Variants in ERCC2 observed in about 807,000 individuals in gnomAD.
ERCC2 encodes ERCC excision repair 2, TFIIH core complex helicase subunit, also known as general transcription and DNA repair factor IIH helicase subunit XPD.
Under a neutral mutation model 99.4 loss-of-function variants are expected in ERCC2, and 90 were observed. The ratio of observed to expected loss-of-function variants is 0.91; its 90% CI spans 0.76 to 1.08. The LOEUF is 1.08. ERCC2 is among the 50% of genes least tolerant of loss of function. The probability of loss-of-function intolerance (pLI) is 0.00; values close to 1 mark genes in which losing one functional copy is unlikely to be tolerated. For synonymous variants in ERCC2, 497 were observed against 432.4 expected (o/e 1.15, Z -1.85); for missense variants, 993 against 1,038.1 (o/e 0.96, Z 0.60).
At position 45,370,252 on chromosome 19, in the gene ERCC2, G is replaced by C. The variant is rs373767108; in HGVS notation, c.6-20C>G. On this transcript the variant is annotated intron_variant, in intron 1 of 22. Coordinates refer to ENST00000391945, the MANE Select transcript of ERCC2 (RefSeq NM_000400.4). ...TTGAGCCTGGCGGCAGGGGCTGCTG[G>C]GTCAGTTCCCGTCCCCTCAGCCCCT... The C allele has an allele frequency of 6.2e-7, 1 of 1,612,280 alleles. No individual in the cohort carries two copies. The highest frequency in any genetic ancestry group is 8.5e-7 in the Non-Finnish European group (1 of 1,179,130).
chr19:45,370,421 C>T, intron 1 of ERCC2, 115 bp downstream of exon 1: 2 of 808,002 alleles, frequency 2.5e-6, no homozygotes, highest in South Asian at 1.5e-5. Flanking sequence ...CTGCCCCCGT[C>T]CCACCCCTTC....
At position 45,363,977 on chromosome 19, in the gene ERCC2, G is replaced by A. The variant is rs529824119; in HGVS notation, c.949+9C>T. 9.4e-5 allele frequency: 144 copies of A among 1,538,904 alleles called. No individual in the cohort carries two copies. Among genetic ancestry groups the A allele is most frequent in the South Asian group, 5.6e-4 (47 of 84,270 alleles). On this transcript the variant is annotated intron_variant, in intron 10 of 22. Transcript: ENST00000391945. ...AGGGACTGGGGGGCAGCGGGGGGTC[G>A]GGGCTCACCCTGCAGCACTTCGTCG... is the stretch of plus-strand genomic sequence containing the variant.
intron 12 of ERCC2, chr19:45,358,274 G>A (rs1482486449): frequency 2.2e-5 from 4 of 183,664 alleles, no homozygotes; most frequent in Non-Finnish European, 4.6e-5. Context: ...CCCGCCTCAG[G>A]CTCCCAAAGT....
At chr19:45,358,391 C>T (rs540355865) in intron 12 of ERCC2, 32 of 194,254 alleles carry the variant, frequency 1.6e-4, no homozygotes, top group Admixed American at 1.6e-3. Context: ...CTGCAATTCG[C>T]CCACTGCCCC....
rs112890280 is a variant in ERCC2 at position 45,355,222 on chromosome 19, C to T, written c.1544-371G>A. Among the ~76,000 whole-genome samples the T allele has an allele frequency of 5.3e-3, 812 of 152,248 alleles. 6 individuals carry two copies. The highest frequency in any genetic ancestry group is 0.018 in the African/African-American group (745 of 41,536). Reference sequence around the variant, plus strand: ...AAATACAAAAATTAGCCCAGCGTGGCGGCAGAGGCCTGTAATCCCAGCTAC... The same window carrying T: ...AAATACAAAAATTAGCCCAGCGTGGTGGCAGAGGCCTGTAATCCCAGCTAC... On this transcript the variant is annotated intron_variant, in intron 16 of 22. Coordinates refer to ENST00000391945, the MANE Select transcript of ERCC2 (RefSeq NM_000400.4).
intron 16 of ERCC2, 96 bp downstream of exon 16, chr19:45,355,569 G>A: frequency 1.8e-6 from 2 of 1,130,724 alleles, no homozygotes; most frequent in Admixed American, 1.7e-5. Flanking sequence ...AGCAACTAAG[G>A]CCAGGGATAT....
At chr19:45,353,748 G>A (rs935423493) in intron 17 of ERCC2, among the ~76,000 whole-genome samples, 24 of 152,198 alleles carry the variant, frequency 1.6e-4, no homozygotes, top group African/African-American at 5.5e-4. Context: ...ACAGCCACCT[G>A]TGCAGTTCAG....
Position 45,350,601 on chromosome 19 carries a change from G to A in ERCC2, c.*1028C>T. 3 of 1,613,600 alleles carry A rather than the reference G, an allele frequency of 1.9e-6. No homozygotes were observed. The highest frequency in any genetic ancestry group is 2.5e-6 in the Non-Finnish European group (3 of 1,179,678). ...CCTGGGGTGGGCGTGGGGACTGCAT[G>A]GGCCTGGGGGACTGAGCAGCATCCC... On this transcript the variant is annotated 3_prime_UTR_variant, in exon 23 of 23. Transcript: ENST00000391945.
At position 45,353,077 on chromosome 19, in the gene ERCC2, A is replaced by C. The variant is rs554242651; in HGVS notation, c.1831+6T>G. The stretch of plus-strand genomic sequence containing the variant: ...CACCTGGGGAGGAAGAGCCCAGTCC[A>C]CTCACCAAAGTCGATTCCCTCGGAC... On this transcript the variant is annotated splice_donor_region_variant and intron_variant, in intron 19 of 22. Transcript: ENST00000391945. The C allele has an allele frequency of 8.3e-5, 134 of 1,611,872 alleles. 2 individuals are homozygous for C. The South Asian group carries it at 1.4e-3, about 17-fold the overall frequency.
intron 12 of ERCC2, chr19:45,358,693 C>G (rs1972100626): frequency 3.6e-5 from 24 of 664,332 alleles, no homozygotes; most frequent in South Asian, 3.6e-4. Flanking sequence ...GCTCAAAAGT[C>G]AGCCCCTCCG....
At chr19:45,358,082 G>A in intron 12 of ERCC2, 1 of 354,050 alleles carries the variant, frequency 2.8e-6, no homozygotes, top group Non-Finnish European at 5.5e-6. Context: ...GCCTCGCGCT[G>A]TCGCCCAGGC....
rs1171147981 is a variant in ERCC2 at position 45,357,143 on chromosome 19, T to G, written c.1479+127A>C. ...AAGCAGAATCAAGCCTAAGTCTGTC[T>G]GAATCCCGAACCCAGCCTCTTCGCT... On this transcript the variant is annotated intron_variant, in intron 15 of 22. Transcript: ENST00000391945. 4.4e-6 allele frequency: 3 copies of G among 680,372 alleles called. No homozygotes were observed. In the African/African-American group the frequency reaches 5.4e-5, roughly 12 times the overall value. 42.1% of individuals were successfully genotyped at this position (680,372 alleles called of 1,614,324 possible). A position where few individuals can be genotyped will look rare whatever the true frequency, so the allele number is the denominator to read the frequency against.
Position 45,354,615 on chromosome 19 carries a change from TCCTGTCACACAGGAAA to T in ERCC2, c.1665+99_1665+114del, listed in dbSNP as rs1971948728. ...CCATTCCTACATGCTGCACACACTCTCCTGTCACACAGGAAACCTGTCACCATCAGAGTGTGAGAGG... is the reference window on the plus strand; with the variant it reads ...CCATTCCTACATGCTGCACACACTCTCCTGTCACCATCAGAGTGTGAGAGG... On this transcript the variant is annotated intron_variant, in intron 17 of 22. Coordinates refer to ENST00000391945, the MANE Select transcript of ERCC2 (RefSeq NM_000400.4). The T allele has an allele frequency of 5.7e-6, 8 of 1,392,836 alleles. No individual in the cohort carries two copies. In the East Asian group the frequency reaches 1.2e-4, roughly 20 times the overall value. 86.3% of individuals were successfully genotyped at this position (1,392,836 alleles called of 1,614,324 possible). A position where few individuals can be genotyped will look rare whatever the true frequency, so the allele number is the denominator to read the frequency against.
At chr19:45,355,185 C>T (rs1971971432) in intron 16 of ERCC2, among the ~76,000 whole-genome samples, 2 of 152,198 alleles carry the variant, frequency 1.3e-5, no homozygotes, top group Non-Finnish European at 2.9e-5. Flanking sequence ...GGCGAAACCC[C>T]ATCTCTACTA....
At chr19:45,370,294 GC>G in intron 1 of ERCC2, 62 bp from the exon 2 acceptor site, 5 of 1,589,852 alleles carry the variant, frequency 3.1e-6, no homozygotes, top group Non-Finnish European at 4.3e-6. Flanking sequence ...CCTCCACAGT[GC>G]CCGGTCGTCG....
chr19:45,352,496 G>A lies in ERCC2; in HGVS notation c.2046+10C>T, dbSNP rs377737770. ...GGGATGGGAGCACAGGGGCACCCCT[G>A]AAGCTGCACCTTGTCGGCAAAGACC... is the stretch of plus-strand genomic sequence containing the variant. On this transcript the variant is annotated intron_variant, in intron 21 of 22. Coordinates refer to ENST00000391945, the MANE Select transcript of ERCC2 (RefSeq NM_000400.4). 14 of 1,614,184 alleles carry A rather than the reference G, an allele frequency of 8.7e-6. No individual in the cohort carries two copies. The African/African-American group carries it at 1.3e-4, about 15-fold the overall frequency.
At chr19:45,352,035 C>T (rs1971814654) in intron 22 of ERCC2, among the ~76,000 whole-genome samples, 174 bp downstream of exon 22, 1 of 152,138 alleles carries the variant, frequency 6.6e-6, no homozygotes, top group Non-Finnish European at 1.5e-5. Flanking sequence ...ATCTGTGGCC[C>T]CTCGAATCTC....
chr19:45,368,009 T>G (rs533834645), intron 5 of ERCC2, among the ~76,000 whole-genome samples: 75 of 151,848 alleles, frequency 4.9e-4, no homozygotes, highest in African/African-American at 1.8e-3. Context: ...GCGATTGGCA[T>G]TACCGACGTG....
chr19:45,354,908 T>C, intron 16 of ERCC2, 57 bp from the exon 17 acceptor site: 1 of 1,611,112 alleles, frequency 6.2e-7, no homozygotes, highest in Non-Finnish European at 8.5e-7. Context: ...CCCTTCTCTG[T>C]CTTAGAACTA....
Sources: allele counts gnomAD v4.1 joint callset (sites outside exome capture counted in the v4.1 genomes callset), GRCh38; gene constraint gnomAD v4.1.1; transcripts MANE v1.5; gene names NCBI Gene and HGNC (gene_info 2026-07-23, HGNC 2026-07-21).